The following RNF130 variants were observed in gnomAD, a reference collection of about 807,000 sequenced individuals.
The protein encoded by RNF130 is E3 ubiquitin-protein ligase RNF130.
RNF130 carries 21 observed loss-of-function variants against 44.6 expected under a neutral mutation model. The ratio of observed to expected loss-of-function variants is 0.47; its 90% confidence interval spans 0.33 to 0.68. RNF130 has a LOEUF of 0.68. RNF130 is among the 30% of genes least tolerant of loss of function. RNF130 has a pLI of 0.02. For synonymous variants in RNF130, 214 were observed against 210.4 expected, an observed-to-expected ratio of 1.02 and a Z score of -0.15; for missense variants, 479 against 560.6, an observed-to-expected ratio of 0.85 and a Z score of 1.47.
At chr5:179,941,570 T>C (rs1761969213) in intron 7 of RNF130, among the ~76,000 whole-genome samples, 1 of 152,092 alleles carries the variant, frequency 6.6e-6, no homozygotes, top group African/African-American at 2.4e-5. Flanking sequence ...TCTCGGTCTT[T>C]GGGCCATCAC....
chr5:179,978,128 A>T (rs1341816099), intron 5 of RNF130, 75 bp downstream of exon 5: 7 of 1,260,756 alleles, frequency 5.6e-6, no homozygotes, highest in Non-Finnish European at 8.1e-6. Flanking sequence ...AAAGCAAGGG[A>T]GATGCCCACC....
chr5:179,967,137 C>T (rs1324918142), intron 6 of RNF130, 127 bp from the exon 7 acceptor site: 3 of 765,410 alleles, frequency 3.9e-6, no homozygotes, highest in Non-Finnish European at 6.3e-6. Context: ...CTGTGATGTC[C>T]TCTCATTTAT....
intron 2 of RNF130, among the ~76,000 whole-genome samples, chr5:180,026,497 A>T (rs1763988179): frequency 6.6e-6 from 1 of 152,224 alleles, no homozygotes; most frequent in Non-Finnish European, 1.5e-5. Context: ...TGCTAACCAG[A>T]GGTAACAAGT....
Position 179,980,197 on chromosome 5 carries a change from G to A in RNF130, c.697C>T (p.Arg233Cys), listed in dbSNP as rs370848810. ...GCTTTCTTGGCTGCATCTCCGAGAC[G>A]ACGCTATGAAAATTGCAAATAAAAA... ...YTNARDRNQR[R>C]LGDAAKKAIS... is the part of the protein sequence containing the mutation. The change falls in exon 4 of 9, where the codon CGT (arginine) becomes TGT (cysteine). Residue 233 changes from arginine (R) to cysteine (C), a missense_variant. Physicochemically the swap from Arg to Cys is radical, Grantham distance 180. Coordinates refer to ENST00000521389, the MANE Select transcript of RNF130 (RefSeq NM_018434.6). 5.6e-5 allele frequency: 91 copies of A among 1,613,634 alleles called. No homozygotes were observed. Among genetic ancestry groups the A allele is most frequent in the Non-Finnish European group, 7.5e-5 (89 of 1,179,792 alleles).
intron 3 of RNF130, among the ~76,000 whole-genome samples, chr5:180,003,224 G>T (rs1023340995): frequency 7.9e-5 from 12 of 152,124 alleles, no homozygotes; most frequent in African/African-American, 2.9e-4. Context: ...GCACGAAGAG[G>T]GGGGTTTGAG....
chr5:179,919,078 C>T (rs545577374), exon 8 of RNF130: 1 of 152,206 alleles, frequency 6.6e-6, no homozygotes, highest in South Asian at 2.1e-4. Flanking sequence ...CTCACGCCCC[C>T]ACAAAGCTCA....
intron 8 of RNF130, among the ~76,000 whole-genome samples, chr5:179,958,678 A>G (rs1762261834): frequency 6.6e-6 from 1 of 152,000 alleles, no homozygotes; most frequent in South Asian, 2.1e-4. Flanking sequence ...TTTAACTACT[A>G]CAAAGTTGTT....
chr5:179,995,710 C>T (rs1395138889), intron 3 of RNF130, among the ~76,000 whole-genome samples: 2 of 152,210 alleles, frequency 1.3e-5, no homozygotes, highest in African/African-American at 4.8e-5. Flanking sequence ...GCACACTTCC[C>T]CAGTGGGAAG....
rs1385884092 is a variant in RNF130, at chr5:179,977,836, C to T, written c.848+367G>A. 3.9e-5 allele frequency among the ~76,000 whole-genome samples: 6 copies of T among 152,178 alleles called. No homozygotes were observed. The highest frequency in any genetic ancestry group is 7.3e-5 in the Non-Finnish European group (5 of 68,034). ...CACTGCACACTCCAGCCTGGGGTGA[C>T]AGAGCGAGACTCCGTCTCAAAAAAT... On this transcript the variant is annotated intron_variant, in intron 5 of 8. Coordinates refer to ENST00000521389, the MANE Select transcript of RNF130 (RefSeq NM_018434.6). The surrounding 1 kb of genome is among the most constrained non-coding windows in gnomAD (Gnocchi z 4.1).
intron 1 of RNF130, among the ~76,000 whole-genome samples, chr5:180,053,942 G>C (rs1472188870): frequency 6.6e-6 from 1 of 151,184 alleles, no homozygotes; most frequent in Non-Finnish European, 1.5e-5. Flanking sequence ...CGATTCTCCT[G>C]CTTTAGCCTC....
chr5:179,980,389 A>G (rs1050499630), intron 3 of RNF130, 189 bp from the exon 4 acceptor site: 4 of 558,064 alleles, frequency 7.2e-6, no homozygotes, highest in African/African-American at 5.7e-5. Flanking sequence ...TGAAAAGTAA[A>G]AAGTGTTAGA....
At chr5:180,005,362 A>C (rs1387450645) in intron 3 of RNF130, among the ~76,000 whole-genome samples, 5 of 152,146 alleles carry the variant, frequency 3.3e-5, no homozygotes, top group Non-Finnish European at 7.4e-5. Flanking sequence ...TGGGAGGCGG[A>C]GCTTGCAGTG....
chr5:179,942,290 A>C (rs996389744), intron 7 of RNF130, among the ~76,000 whole-genome samples: 2 of 151,976 alleles, frequency 1.3e-5, no homozygotes, highest in African/African-American at 4.8e-5. Context: ...CAAAGGTTTT[A>C]AATAACTGAA....
At chr5:180,004,127 G>C (rs1027326815) in intron 3 of RNF130, among the ~76,000 whole-genome samples, 5 of 152,182 alleles carry the variant, frequency 3.3e-5, no homozygotes, top group African/African-American at 1.2e-4. Context: ...GGGGAGGAAC[G>C]ATCTTGGAAA....
chr5:179,974,717 T>G (rs985109892), intron 5 of RNF130, among the ~76,000 whole-genome samples: 2 of 150,406 alleles, frequency 1.3e-5, no homozygotes, highest in South Asian at 2.1e-4. Flanking sequence ...TGAAAGAGAG[T>G]TTTAAAAACT....
At chr5:180,064,887 T>C (rs1285401921) in intron 1 of RNF130, among the ~76,000 whole-genome samples, 1 of 151,450 alleles carries the variant, frequency 6.6e-6, no homozygotes, top group Non-Finnish European at 1.5e-5. Context: ...CATATAAATA[T>C]TACACTAAAA....
chr5:179,918,651 T>C (rs1200488630), exon 8 of RNF130: 1 of 152,186 alleles, frequency 6.6e-6, no homozygotes, highest in African/African-American at 2.4e-5. Context: ...AATATTTTTA[T>C]AGTACGAAGA....
intron 8 of RNF130, among the ~76,000 whole-genome samples, chr5:179,956,887 A>G (rs1762225066): frequency 2.0e-5 from 3 of 152,238 alleles, no homozygotes. Context: ...CCGGGAGCCT[A>G]CTTGGGAAAC....
At chr5:179,966,766 C>T in intron 7 of RNF130, 40 bp downstream of exon 7, 1 of 1,574,906 alleles carries the variant, frequency 6.3e-7, no homozygotes, top group Non-Finnish European at 8.7e-7. Flanking sequence ...CCCACATAGG[C>T]AGCCACATGC....
Sources: allele counts gnomAD v4.1 joint callset (sites outside exome capture counted in the v4.1 genomes callset), GRCh38; gene constraint gnomAD v4.1.1; non-coding constraint Gnocchi (gnomAD v3.1); transcripts MANE v1.5; gene names NCBI Gene and HGNC (gene_info 2026-07-23, HGNC 2026-07-21).